FSTL4: variants seen among roughly 807,000 people sequenced by gnomAD.
The protein encoded by FSTL4 is follistatin like 4.
Under a neutral mutation model 78.2 loss-of-function variants are expected in FSTL4, and 28 were observed. That is an observed-to-expected ratio of 0.36 (90% CI 0.27 to 0.49). The LOEUF (loss-of-function observed/expected upper bound fraction) is 0.49. Among genes scored for constraint, FSTL4 ranks in the 20% least tolerant of loss-of-function variants. The pLI, the probability that FSTL4 is intolerant of heterozygous loss-of-function variation, is 0.98. For missense variants in FSTL4, 922 were observed against 1,084.9 expected (o/e 0.85, Z 2.11); for synonymous variants, 422 against 440.5 (o/e 0.96, Z 0.53).
chr5:133,452,710 T>C (rs1757409172), intron 3 of FSTL4, among the ~76,000 whole-genome samples: 1 of 152,236 alleles, frequency 6.6e-6, no homozygotes, highest in South Asian at 2.1e-4. Context: ...GAGCCAGGAT[T>C]TGAATCCAGG....
intron 6 of FSTL4, among the ~76,000 whole-genome samples, chr5:133,303,514 G>T (rs1353421171): frequency 6.6e-6 from 1 of 152,226 alleles, no homozygotes; most frequent in African/African-American, 2.4e-5. Flanking sequence ...CAAGGCTTCT[G>T]AGTGCCCTGG....
At chr5:133,411,500 C>T (rs1033851749) in intron 3 of FSTL4, among the ~76,000 whole-genome samples, 20 of 152,112 alleles carry the variant, frequency 1.3e-4, no homozygotes, top group Admixed American at 6.5e-4. Flanking sequence ...AGACTCCAGT[C>T]TTCCAAGGTC....
chr5:133,396,136 C>T (rs1287783334), intron 4 of FSTL4, among the ~76,000 whole-genome samples: 1 of 152,188 alleles, frequency 6.6e-6, no homozygotes, highest in Non-Finnish European at 1.5e-5. Flanking sequence ...TAGCTCATTA[C>T]AGAGTTGTCA....
At chr5:133,737,649 G>C in the FSTL4 span, among the ~76,000 whole-genome samples, 11 of 135,136 alleles carry the variant, frequency 8.1e-5, no homozygotes, top group Non-Finnish European at 1.4e-4. Context: ...CTGTCACCCA[G>C]GCTAGAGTGC....
intron 3 of FSTL4, among the ~76,000 whole-genome samples, chr5:133,429,053 G>C (rs554299922): frequency 6.6e-6 from 1 of 152,312 alleles, no homozygotes; most frequent in Non-Finnish European, 1.5e-5. Flanking sequence ...ATCAGGGGAA[G>C]AAACCCAACA....
At chr5:133,830,206 A>G in the FSTL4 span, among the ~76,000 whole-genome samples, 1 of 152,232 alleles carries the variant, frequency 6.6e-6, no homozygotes, top group Admixed American at 6.5e-5. Context: ...ACCCCAGTCA[A>G]GGTGAAAGGA....
intron 7 of FSTL4, chr5:133,247,674 A>C (rs1752082724): frequency 6.6e-6 from 1 of 152,320 alleles, no homozygotes; most frequent in Non-Finnish European, 1.5e-5. Context: ...CCAGAAAATG[A>C]AGGGTTCTGC....
intron 3 of FSTL4, among the ~76,000 whole-genome samples, chr5:133,425,546 T>C (rs564139821): frequency 3.6e-4 from 55 of 152,352 alleles, no homozygotes; most frequent in Admixed American, 4.6e-4. Flanking sequence ...TAGCAGACTC[T>C]TGTGAGGAAA....
chr5:133,732,332 T>G, the FSTL4 span, among the ~76,000 whole-genome samples: 15 of 151,882 alleles, frequency 9.9e-5, no homozygotes, highest in South Asian at 2.1e-4. Flanking sequence ...AGGGGGTCAA[T>G]CCACAATCAG....
At chr5:133,302,808 G>A (rs1484906697) in intron 6 of FSTL4, among the ~76,000 whole-genome samples, 5 of 152,202 alleles carry the variant, frequency 3.3e-5, no homozygotes, top group Admixed American at 1.3e-4. Flanking sequence ...CCTCAGGTCT[G>A]TTCTTCATTC....
the FSTL4 span, among the ~76,000 whole-genome samples, chr5:133,623,419 T>C: frequency 3.3e-5 from 5 of 151,992 alleles, no homozygotes; most frequent in Non-Finnish European, 7.4e-5. Flanking sequence ...CCTATGACAA[T>C]TGGCCCTGGG....
chr5:133,624,408 AC>A, the FSTL4 span, among the ~76,000 whole-genome samples: 2 of 151,990 alleles, frequency 1.3e-5, no homozygotes, highest in Non-Finnish European at 2.9e-5. Context: ...ATCCATAGAA[AC>A]AAAGCAGATT....
At chr5:133,451,422 A>T (rs1757382627) in intron 3 of FSTL4, among the ~76,000 whole-genome samples, 1 of 152,090 alleles carries the variant, frequency 6.6e-6, no homozygotes, top group African/African-American at 2.4e-5. Context: ...TTAGCTGGGC[A>T]TGGTGGCAGG....
At chr5:133,754,862 A>G in the FSTL4 span, among the ~76,000 whole-genome samples, 2 of 152,074 alleles carry the variant, frequency 1.3e-5, no homozygotes, top group Non-Finnish European at 2.9e-5. Flanking sequence ...CCACCTTTCC[A>G]GCCATCCCTC....
the FSTL4 span, among the ~76,000 whole-genome samples, chr5:133,621,387 G>A: frequency 6.6e-6 from 1 of 152,144 alleles, no homozygotes; most frequent in Non-Finnish European, 1.5e-5. Flanking sequence ...GCAACAGAGC[G>A]AGACTCCGTC....
At position 133,380,962 on chromosome 5, in the gene FSTL4, AG is replaced by A. The variant is rs1580663665; in HGVS notation, c.409+19775del. 2.0e-5 allele frequency among the ~76,000 whole-genome samples: 3 copies of A among 152,344 alleles called. No homozygotes were observed. In the East Asian group the frequency reaches 5.8e-4, roughly 29 times the overall value. On this transcript the variant is annotated intron_variant, in intron 4 of 15. Coordinates refer to ENST00000265342, the MANE Select transcript of FSTL4 (RefSeq NM_015082.2). The stretch of plus-strand genomic sequence containing the variant: ...AAAATCAATTACCGTAATAAACAAT[AG>A]GAAAAAGGGCAAAACCCTCAGTAGT...
intron 4 of FSTL4, among the ~76,000 whole-genome samples, chr5:133,377,996 A>G (rs1019003486): frequency 3.9e-5 from 6 of 152,228 alleles, no homozygotes; most frequent in African/African-American, 1.4e-4. Context: ...TGACATATTC[A>G]ATGTGCTAAA....
chr5:133,839,537 GCTAT>G, the FSTL4 span, among the ~76,000 whole-genome samples: 38,459 of 151,962 alleles, frequency 0.25, 5,207 homozygotes, highest in Admixed American at 0.33. Flanking sequence ...GGGTTGAGGG[GCTAT>G]CTTTTTATTA....
the FSTL4 span, among the ~76,000 whole-genome samples, chr5:133,626,840 T>C: frequency 6.6e-6 from 1 of 152,176 alleles, no homozygotes; most frequent in Non-Finnish European, 1.5e-5. Flanking sequence ...GTGCACACTT[T>C]TAAAAATGTG....
Sources: gnomAD v4.1 joint callset for allele counts (sites outside exome capture counted in the v4.1 genomes callset) on GRCh38, gnomAD v4.1.1 for gene constraint, MANE v1.5 for transcripts, NCBI Gene and HGNC (gene_info 2026-07-23, HGNC 2026-07-21) for gene names.